FCRL5: variants seen among roughly 807,000 people sequenced by gnomAD.
FCRL5 encodes the protein Fc receptor like 5.
Under a neutral mutation model 92.1 loss-of-function variants are expected in FCRL5, and 79 were observed. The observed-to-expected ratio is 0.86, with a 90% CI of 0.72 to 1.03. The LOEUF is 1.03. Ranked by LOEUF, FCRL5 falls within the 50% of genes least tolerant of loss-of-function variation. The pLI is 0.00. For missense variants in FCRL5, 1,160 were observed against 1,181.1 expected (o/e 0.98, Z 0.26); for synonymous variants, 466 against 469.3 (o/e 0.99, Z 0.09).
At position 157,521,178 on chromosome 1, in the gene FCRL5, C is replaced by A; in HGVS notation, c.2354G>T (p.Arg785Leu). The A allele has an allele frequency of 6.2e-7, 1 of 1,614,098 alleles. No homozygotes were observed. Among genetic ancestry groups the A allele is most frequent in the Non-Finnish European group, 8.5e-7 (1 of 1,180,008 alleles). The change falls in exon 11 of 17, where the codon CGG (arginine) becomes CTG (leucine). Residue 785 changes from arginine to leucine, a missense_variant. By Grantham distance (102) the Arg-to-Leu change is moderately radical. Transcript: ENST00000361835. ...ALRGSPLILYRFFHEDVTLGN... is the reference protein window; with the variant it reads ...ALRGSPLILYLFFHEDVTLGN... ...TAGGGTGACATCCTCATGAAAAAAC[C>A]GGTACAGGATCAGGGGAGAGCCTCT...
At chr1:157,551,576 A>G (rs1350917416) in intron 1 of FCRL5, among the ~76,000 whole-genome samples, 3 of 152,210 alleles carry the variant, frequency 2.0e-5, no homozygotes, top group African/African-American at 7.2e-5. Context: ...GAGCCCTTCT[A>G]TGTCATGACT....
intron 5 of FCRL5, among the ~76,000 whole-genome samples, chr1:157,543,447 G>A (rs1651368016): frequency 6.6e-6 from 1 of 152,190 alleles, no homozygotes; most frequent in Admixed American, 6.5e-5. Context: ...GTCTTCTAGA[G>A]CTTTTTCTTC....
intron 1 of FCRL5, among the ~76,000 whole-genome samples, chr1:157,551,053 C>T (rs533613124): frequency 6.6e-6 from 1 of 152,290 alleles, no homozygotes; most frequent in South Asian, 2.1e-4. Context: ...TTCATCTTTG[C>T]ATTGTTTTAA....
At position 157,544,782 on chromosome 1, in the gene FCRL5, A is replaced by G. The variant is rs368763657; in HGVS notation, c.559+49T>C. 4.2e-5 allele frequency: 68 copies of G among 1,609,904 alleles called. No homozygotes were observed. In the African/African-American group the frequency reaches 6.0e-4, roughly 14 times the overall value. ...CTCCTGTTCTATCTCTATGACCCCA[A>G]GGAATCTCCTTTTGACCAACTCACT... On this transcript the variant is annotated intron_variant, in intron 4 of 16. Coordinates refer to ENST00000361835, the MANE Select transcript of FCRL5 (RefSeq NM_031281.3).
At chr1:157,518,314 C>G in intron 15 of FCRL5, 115 bp downstream of exon 15, 1 of 835,630 alleles carries the variant, frequency 1.2e-6, no homozygotes, top group Non-Finnish European at 2.0e-6. Flanking sequence ...GCCCCATGAC[C>G]CAGTGGGAGG....
At chr1:157,525,303 T>C (rs1190890796) in intron 9 of FCRL5, among the ~76,000 whole-genome samples, 2 of 152,218 alleles carry the variant, frequency 1.3e-5, no homozygotes, top group Non-Finnish European at 1.5e-5. Context: ...CAGTTGATGA[T>C]GGAGGTGGAG....
intron 10 of FCRL5, 130 bp from the exon 11 acceptor site, chr1:157,521,422 G>A (rs1260987058): frequency 8.7e-7 from 1 of 1,144,088 alleles, no homozygotes. Flanking sequence ...AGATGATAAA[G>A]CTAATTACTT....
intron 3 of FCRL5, among the ~76,000 whole-genome samples, chr1:157,545,523 T>TG: frequency 1.8e-5 from 1 of 55,416 alleles, no homozygotes; most frequent in African/African-American, 1.4e-4. Context: ...CTTTAATGAG[T>TG]TTTTTTTTTT....
rs1650093890 is a variant in FCRL5 at position 157,519,773 on chromosome 1, G to A, written c.2633-3C>T. On this transcript the variant is annotated splice_polypyrimidine_tract_variant and splice_region_variant and intron_variant, in intron 12 of 16. Coordinates refer to ENST00000361835, the MANE Select transcript of FCRL5 (RefSeq NM_031281.3). ...GGGGTCAGAGGCAGGCTTTCTCCCT[G>A]TAAAGGAAAGCAGAGGAGCATTGGA... The A allele has an allele frequency of 6.2e-7, 1 of 1,613,818 alleles. No homozygotes were observed. The highest frequency in any genetic ancestry group is 1.1e-5 in the South Asian group (1 of 91,066).
chr1:157,515,550 T>C lies in FCRL5; in HGVS notation c.*125A>G, dbSNP rs1649879094. 2 of 1,599,120 alleles carry C rather than the reference T, an allele frequency of 1.3e-6. No homozygotes were observed. The highest frequency in any genetic ancestry group is 1.1e-5 in the South Asian group (1 of 89,944). On this transcript the variant is annotated 3_prime_UTR_variant, in exon 17 of 17. Coordinates refer to ENST00000361835, the MANE Select transcript of FCRL5 (RefSeq NM_031281.3). ...TCTGGTCAGACTGAGAATGAGGACATGTGAAACAAAGGCCAGTAGATATGG... is the reference window on the plus strand; with the variant it reads ...TCTGGTCAGACTGAGAATGAGGACACGTGAAACAAAGGCCAGTAGATATGG...
chr1:157,520,903 C>G (rs1650152697), intron 11 of FCRL5, 114 bp downstream of exon 11: 1 of 1,217,072 alleles, frequency 8.2e-7, no homozygotes, highest in Non-Finnish European at 1.1e-6. Flanking sequence ...GAGCTGCCAG[C>G]TGTGTTACTT....
intron 6 of FCRL5, among the ~76,000 whole-genome samples, chr1:157,541,385 C>T (rs1176383887): frequency 1.3e-5 from 2 of 152,210 alleles, no homozygotes; most frequent in Non-Finnish European, 1.5e-5. Flanking sequence ...TTCATGGAGC[C>T]CAGATTGCCC....
intron 8 of FCRL5, chr1:157,533,479 C>T (rs1303094310): frequency 6.6e-6 from 1 of 151,576 alleles, no homozygotes; most frequent in Non-Finnish European, 1.5e-5. Context: ...GTTTTTTTTC[C>T]TCTTGGGCTT....
chr1:157,514,433 G>T lies in FCRL5; in HGVS notation c.*1242C>A, dbSNP rs1318294377. ...CTGATGAAAGCCAACATGTCACAGA[G>T]AAGAAGCTCTCTCAGCAACAGCAGC... On this transcript the variant is annotated 3_prime_UTR_variant, in exon 17 of 17. Coordinates refer to ENST00000361835, the MANE Select transcript of FCRL5 (RefSeq NM_031281.3). 1 of 152,226 alleles carries T rather than the reference G, an allele frequency of 6.6e-6. No individual in the cohort carries two copies. The highest frequency in any genetic ancestry group is 2.4e-5 in the African/African-American group (1 of 41,450). The allele number at this position is 152,226 out of a possible 1,614,324, so 9.4% of individuals were successfully genotyped here.
intron 5 of FCRL5, 95 bp from the exon 6 acceptor site, chr1:157,543,232 C>G: frequency 1.6e-6 from 2 of 1,255,078 alleles, no homozygotes; most frequent in African/African-American, 3.0e-5. Flanking sequence ...CCAGTCTCCA[C>G]CCTTAACTTG....
chr1:157,551,139 A>T (rs1651791511), intron 1 of FCRL5, among the ~76,000 whole-genome samples: 1 of 152,234 alleles, frequency 6.6e-6, no homozygotes, highest in Admixed American at 6.5e-5. Flanking sequence ...CCATGTCAAT[A>T]ATCCTGTGAG....
At chr1:157,539,494 G>T in intron 6 of FCRL5, 130 bp from the exon 7 acceptor site, 1 of 784,716 alleles carries the variant, frequency 1.3e-6, no homozygotes, top group Non-Finnish European at 1.9e-6. Context: ...ACTATTTCAG[G>T]CAAACCTGCT....
Position 157,544,460 on chromosome 1 carries a change from A to T in FCRL5, c.646T>A (p.Ser216Thr). The T allele has an allele frequency of 6.2e-7, 1 of 1,614,186 alleles. No homozygotes were observed. Among genetic ancestry groups the T allele is most frequent in the Non-Finnish European group, 8.5e-7 (1 of 1,180,040 alleles). ...PVTLTCETQLSLERSDVPLRF... is the reference protein window; with the variant it reads ...PVTLTCETQLTLERSDVPLRF... ...AGCGGGACATCTGACCTCTCTAGAG[A>T]GAGCTGGGTCTCACAGGTCAGGGTC... Residue 216 changes from serine (S) to threonine (T), a missense_variant, in exon 5 of 17, where the codon TCT becomes ACT. Ser to Thr is a moderately conservative substitution (Grantham distance 58). Transcript: ENST00000361835.
rs1021170099 is a variant in FCRL5, at chr1:157,522,451, C to T, written c.2240-1159G>A. On this transcript the variant is annotated intron_variant, in intron 10 of 16. Coordinates refer to ENST00000361835, the MANE Select transcript of FCRL5 (RefSeq NM_031281.3). ...GTGTGTCTGCAAGCTAGTTACTTCA[C>T]TTCTCTAAACCTCAGTCTCTTTTCC... 2.6e-5 allele frequency: 4 copies of T among 152,216 alleles called. 1 individual carries two copies. Among genetic ancestry groups the T allele is most frequent in the South Asian group, 4.1e-4 (2 of 4,826 alleles). 9.4% of individuals were successfully genotyped at this position (152,216 alleles called of 1,614,324 possible).
Sources: allele counts gnomAD v4.1 joint callset (sites outside exome capture counted in the v4.1 genomes callset), GRCh38; gene constraint gnomAD v4.1.1; transcripts MANE v1.5; gene names NCBI Gene and HGNC (gene_info 2026-07-23, HGNC 2026-07-21).